ANO2: variants seen among roughly 807,000 people sequenced by gnomAD.
ANO2 encodes the protein anoctamin 2.
Under a neutral mutation model 124.2 loss-of-function variants are expected in ANO2, and 101 were observed. The observed-to-expected ratio is 0.81, with a 90% CI of 0.69 to 0.96. ANO2 has a LOEUF of 0.96. Ranked by LOEUF, ANO2 falls within the 40% of genes least tolerant of loss-of-function variation. ANO2 has a pLI of 0.00. For missense variants in ANO2, 1,293 were observed against 1,274.5 expected (o/e 1.01, Z -0.22); for synonymous variants, 486 against 482.5 (o/e 1.01, Z -0.09).
At chr12:5,801,212 C>T (rs1953027991) in intron 9 of ANO2, among the ~76,000 whole-genome samples, 1 of 152,108 alleles carries the variant, frequency 6.6e-6, no homozygotes, top group Admixed American at 6.5e-5. Context: ...TCAGGCCAGG[C>T]CATCTTGGAA....
At chr12:5,629,124 C>T (rs1050845165) in intron 16 of ANO2, among the ~76,000 whole-genome samples, 2 of 152,196 alleles carry the variant, frequency 1.3e-5, no homozygotes, top group African/African-American at 4.8e-5. Context: ...CTACAATGAA[C>T]CCAACCCTGT....
intron 3 of ANO2, among the ~76,000 whole-genome samples, chr12:5,860,099 A>G (rs1408245165): frequency 1.3e-5 from 2 of 151,868 alleles, no homozygotes; most frequent in Non-Finnish European, 1.5e-5. Context: ...AGCCCTTCTC[A>G]CTGTCATCTG....
intron 16 of ANO2, among the ~76,000 whole-genome samples, chr12:5,629,912 G>T (rs1336873664): frequency 6.6e-6 from 1 of 152,192 alleles, no homozygotes; most frequent in Non-Finnish European, 1.5e-5. Context: ...AGCATGCCTT[G>T]CATCTACGCT....
intron 3 of ANO2, among the ~76,000 whole-genome samples, chr12:5,858,872 C>T (rs574687432): frequency 3.3e-5 from 5 of 152,334 alleles, no homozygotes; most frequent in South Asian, 2.1e-4. Context: ...AACCAGTTCC[C>T]GTTAGATTAA....
intron 20 of ANO2, among the ~76,000 whole-genome samples, chr12:5,580,716 G>C (rs1182648902): frequency 1.3e-5 from 2 of 152,188 alleles, no homozygotes; most frequent in Admixed American, 6.5e-5. Context: ...TCAGGAAAGG[G>C]AACAGGCATG....
rs1316564274 is a variant in ANO2 at position 5,563,464 on chromosome 12, G to T, written c.2832C>A (p.Phe944Leu). 9.3e-6 allele frequency: 15 copies of T among 1,613,834 alleles called. 1 individual carries two copies. Among genetic ancestry groups the T allele is most frequent in the East Asian group, 2.2e-5 (1 of 44,880 alleles). Residue 944 changes from phenylalanine to leucine, a missense_variant, in exon 25 of 25, where the codon TTC becomes TTA. Physicochemically the swap from Phe to Leu is conservative, Grantham distance 22. Transcript: ENST00000682330. The stretch of plus-strand genomic sequence containing the variant: ...GCTTCTCATGCTCCTCTTTCAGGAA[G>T]AAATCCACTAATAAGCTCTTCTCTT... ...IKKEKSLLVD[F>L]FLKEEHEKLK... is the part of the protein sequence containing the mutation.
At chr12:5,783,911 G>T (rs1952471424) in intron 10 of ANO2, among the ~76,000 whole-genome samples, 1 of 152,134 alleles carries the variant, frequency 6.6e-6, no homozygotes, top group African/African-American at 2.4e-5. Context: ...AAAGTAACTA[G>T]GGGCAACTTT....
intron 3 of ANO2, among the ~76,000 whole-genome samples, chr12:5,902,956 G>A (rs1047951471): frequency 2.0e-5 from 3 of 147,932 alleles, no homozygotes; most frequent in Admixed American, 2.0e-4. Context: ...ATGGACCCAG[G>A]AATGCAAAGG....
chr12:5,688,042 G>A (rs1343203903), intron 14 of ANO2, among the ~76,000 whole-genome samples: 1 of 152,190 alleles, frequency 6.6e-6, no homozygotes, highest in Non-Finnish European at 1.5e-5. Context: ...TTGAAAAATT[G>A]TATTAATCAT....
intron 7 of ANO2, among the ~76,000 whole-genome samples, chr12:5,810,363 A>G (rs919120155): frequency 5.3e-5 from 8 of 152,206 alleles, no homozygotes; most frequent in Non-Finnish European, 1.0e-4. Context: ...TCAGTTTAAA[A>G]CAAGAAGAAA....
chr12:5,846,799 G>A (rs1349738599), intron 4 of ANO2, among the ~76,000 whole-genome samples: 3 of 152,096 alleles, frequency 2.0e-5, no homozygotes, highest in Non-Finnish European at 2.9e-5. Flanking sequence ...TTGGATTTAA[G>A]TTCTATTCTA....
intron 19 of ANO2, among the ~76,000 whole-genome samples, chr12:5,600,553 C>G (rs1242694296): frequency 1.3e-5 from 2 of 152,146 alleles, no homozygotes; most frequent in African/African-American, 4.8e-5. Context: ...AGCACAATAT[C>G]TGGACACAGT....
chr12:5,867,183 G>A (rs1955449635), intron 3 of ANO2, among the ~76,000 whole-genome samples: 1 of 152,192 alleles, frequency 6.6e-6, no homozygotes, highest in African/African-American at 2.4e-5. Flanking sequence ...GTACAAAGAA[G>A]CTATAAAACC....
At chr12:5,610,860 A>ACACACACACAC (rs1565472315) in intron 19 of ANO2, among the ~76,000 whole-genome samples, 1 of 103,288 alleles carries the variant, frequency 9.7e-6, no homozygotes, top group African/African-American at 3.2e-5. Flanking sequence ...ACACACACAC[A>ACACACACACAC]ACCCTAAGGG....
intron 3 of ANO2, among the ~76,000 whole-genome samples, chr12:5,885,078 C>T (rs144443787): frequency 2.0e-5 from 3 of 152,298 alleles, no homozygotes; most frequent in South Asian, 2.1e-4. Flanking sequence ...CCGTGGAAGC[C>T]GAACAAAATT....
At chr12:5,818,094 G>T (rs779558144) in intron 7 of ANO2, among the ~76,000 whole-genome samples, 1 of 152,082 alleles carries the variant, frequency 6.6e-6, no homozygotes, top group Admixed American at 6.5e-5. Context: ...GAGGTGTGAT[G>T]GTTAATACTG....
chr12:5,811,498 G>C (rs1953389089), intron 7 of ANO2, among the ~76,000 whole-genome samples: 1 of 152,142 alleles, frequency 6.6e-6, no homozygotes, highest in African/African-American at 2.4e-5. Context: ...GGGGAGGGGA[G>C]GTTCCCAAAG....
intron 10 of ANO2, among the ~76,000 whole-genome samples, chr12:5,777,191 T>G (rs536054440): frequency 6.6e-6 from 1 of 152,292 alleles, no homozygotes; most frequent in African/African-American, 2.4e-5. Flanking sequence ...AGGGTCCAGT[T>G]AGCTGTAGGT....
chr12:5,638,568 G>A (rs973142657), intron 15 of ANO2, among the ~76,000 whole-genome samples: 4 of 150,578 alleles, frequency 2.7e-5, no homozygotes, highest in Non-Finnish European at 5.9e-5. Context: ...AGTTCAATAC[G>A]TATTTTCTGG....
Sources: allele counts gnomAD v4.1 joint callset (sites outside exome capture counted in the v4.1 genomes callset), GRCh38; gene constraint gnomAD v4.1.1; transcripts MANE v1.5; gene names NCBI Gene and HGNC (gene_info 2026-07-23, HGNC 2026-07-21).